PTCHD4: variants seen among roughly 807,000 people sequenced by gnomAD.
The protein encoded by PTCHD4 is patched domain-containing protein 4.
PTCHD4 carries 33 observed loss-of-function variants against 58.1 expected under a neutral mutation model. That is an observed-to-expected ratio of 0.57 (90% confidence interval 0.43 to 0.76). The LOEUF (loss-of-function observed/expected upper bound fraction) is 0.76. PTCHD4 is among the 30% of genes least tolerant of loss of function. PTCHD4 has a pLI of 0.00. For synonymous variants in PTCHD4, 478 were observed against 409.6 expected, an observed-to-expected ratio of 1.17 and a Z score of -2.02; for missense variants, 1,058 against 1,027.1, an observed-to-expected ratio of 1.03 and a Z score of -0.41.
chr6:48,076,019 A>C (rs910201909), intron 1 of PTCHD4, among the ~76,000 whole-genome samples: 5 of 152,248 alleles, frequency 3.3e-5, no homozygotes, highest in Admixed American at 6.5e-5. Context: ...AACTTCTTTC[A>C]AGATTGGAGT....
At chr6:48,097,326 C>G (rs750368723) in intron 1 of PTCHD4, among the ~76,000 whole-genome samples, 1 of 152,052 alleles carries the variant, frequency 6.6e-6, no homozygotes, top group Non-Finnish European at 1.5e-5. Context: ...TAATGCTTAA[C>G]AGTTTTATGT....
chr6:48,000,586 C>T (rs1461813215), intron 4 of PTCHD4, among the ~76,000 whole-genome samples: 2 of 152,142 alleles, frequency 1.3e-5, no homozygotes, highest in East Asian at 1.9e-4. Context: ...CACAAACCAA[C>T]ACCTCCTTCC....
chr6:47,930,527 C>A (rs146931733), intron 4 of PTCHD4, among the ~76,000 whole-genome samples: 3 of 152,170 alleles, frequency 2.0e-5, no homozygotes, highest in Non-Finnish European at 4.4e-5. Flanking sequence ...GGATCCAAGA[C>A]ACACATTAAA....
At chr6:47,898,509 G>A (rs1253121731) in intron 4 of PTCHD4, among the ~76,000 whole-genome samples, 1 of 152,090 alleles carries the variant, frequency 6.6e-6, no homozygotes, top group Non-Finnish European at 1.5e-5. Flanking sequence ...AAAGCATGGG[G>A]CCAGCAAAAG....
chr6:48,017,504 A>C (rs16876926), intron 3 of PTCHD4, among the ~76,000 whole-genome samples: 3,267 of 152,356 alleles, frequency 0.021, 46 homozygotes, highest in South Asian at 0.046. Flanking sequence ...CTAGCCATCC[A>C]GAATATAAAA....
At chr6:48,054,965 A>AT (rs1408220159) in intron 3 of PTCHD4, among the ~76,000 whole-genome samples, 1 of 152,180 alleles carries the variant, frequency 6.6e-6, no homozygotes, top group African/African-American at 2.4e-5. Context: ...TAACAATACC[A>AT]TTTTTTGATC....
At chr6:47,910,602 G>A (rs1053874209) in intron 4 of PTCHD4, among the ~76,000 whole-genome samples, 1 of 152,026 alleles carries the variant, frequency 6.6e-6, no homozygotes, top group South Asian at 2.1e-4. Flanking sequence ...AATCAAGATA[G>A]CCCTTGTAAG....
chr6:48,096,140 T>G (rs1037494265), intron 1 of PTCHD4, among the ~76,000 whole-genome samples: 1 of 152,026 alleles, frequency 6.6e-6, no homozygotes, highest in Admixed American at 6.6e-5. Flanking sequence ...AAGAATACAG[T>G]AGAAGTGCAG....
At chr6:48,089,970 GATTTT>G (rs1018660131) in intron 1 of PTCHD4, among the ~76,000 whole-genome samples, 2 of 151,988 alleles carry the variant, frequency 1.3e-5, no homozygotes, top group Non-Finnish European at 2.9e-5. Context: ...GACTCAATTT[GATTTT>G]ATTTTTAAAT....
At chr6:48,100,725 C>T (rs9473241) in intron 1 of PTCHD4, among the ~76,000 whole-genome samples, 27,579 of 152,060 alleles carry the variant, frequency 0.18, 2,743 homozygotes, top group African/African-American at 0.25. Context: ...TCTGTCGACA[C>T]GGAGGGTCAC....
At chr6:48,037,218 C>T (rs1290625763) in intron 3 of PTCHD4, among the ~76,000 whole-genome samples, 1 of 152,096 alleles carries the variant, frequency 6.6e-6, no homozygotes, top group African/African-American at 2.4e-5. Flanking sequence ...GCTTTTACTA[C>T]AGTATATTGT....
chr6:47,922,730 A>G (rs999446280), intron 4 of PTCHD4, among the ~76,000 whole-genome samples: 1 of 152,208 alleles, frequency 6.6e-6, no homozygotes, highest in South Asian at 2.1e-4. Flanking sequence ...CTCATCTGCA[A>G]CAGGACTCTG....
At chr6:48,066,327 C>T (rs1043805631) in intron 3 of PTCHD4, among the ~76,000 whole-genome samples, 2 of 152,078 alleles carry the variant, frequency 1.3e-5, no homozygotes, top group Non-Finnish European at 2.9e-5. Context: ...TAAACAAAAT[C>T]TCCTCAGTGG....
In PTCHD4 at chr6:47,924,261, A is replaced by G. The variant is rs905782230; in HGVS notation, c.899-44325T>C. ...TGCTGCTGCCCAGTGTAACTGAGTC[A>G]TGACTACATGGAAAAGCCCAGAGTC... On this transcript the variant is annotated intron_variant, in intron 4 of 4. Transcript: ENST00000339488. Among the ~76,000 whole-genome samples, 8 of 152,066 alleles carry G rather than the reference A, an allele frequency of 5.3e-5. No individual in the cohort carries two copies. In the South Asian group the frequency reaches 1.7e-3, roughly 32 times the overall value.
chr6:47,914,053 T>C (rs1765153195), intron 4 of PTCHD4, among the ~76,000 whole-genome samples: 1 of 152,170 alleles, frequency 6.6e-6, no homozygotes, highest in Non-Finnish European at 1.5e-5. Context: ...GGCTATGCCA[T>C]ACCACAAATA....
At chr6:48,088,351 T>TAATGAAAATCTAATGA (rs1395966000) in intron 1 of PTCHD4, among the ~76,000 whole-genome samples, 2 of 152,240 alleles carry the variant, frequency 1.3e-5, no homozygotes, top group Admixed American at 6.5e-5. Context: ...ATGAAAATCC[T>TAATGAAAATCTAATGA]AAGTTCTTAA....
chr6:47,922,035 G>A (rs1765449127), intron 4 of PTCHD4, among the ~76,000 whole-genome samples: 1 of 151,858 alleles, frequency 6.6e-6, no homozygotes, highest in Non-Finnish European at 1.5e-5. Context: ...TTACTTGGGA[G>A]GCTGAGGTGG....
At position 47,869,824 on chromosome 6, in the gene PTCHD4, G is replaced by T. The variant is rs759674496; in HGVS notation, c.*8479C>A. ...ACATTGTGATGTTATAAGATGTTTT[G>T]TTTAGGAAGTTTAATTCTTAGCCTA... On this transcript the variant is annotated 3_prime_UTR_variant, in exon 5 of 5. Transcript: ENST00000339488. Among the ~76,000 whole-genome samples, 38 of 151,616 alleles carry T rather than the reference G, an allele frequency of 2.5e-4. No individual in the cohort carries two copies. Among genetic ancestry groups the T allele is most frequent in the Non-Finnish European group, 4.4e-4 (30 of 67,728 alleles).
At chr6:48,043,096 G>A (rs1442508461) in intron 3 of PTCHD4, among the ~76,000 whole-genome samples, 1 of 151,876 alleles carries the variant, frequency 6.6e-6, no homozygotes, top group African/African-American at 2.4e-5. Flanking sequence ...TTAGAGCTGG[G>A]AGAAATGAGA....
Sources: allele counts gnomAD v4.1 joint callset (sites outside exome capture counted in the v4.1 genomes callset), GRCh38; gene constraint gnomAD v4.1.1; transcripts MANE v1.5; gene names NCBI Gene and HGNC (gene_info 2026-07-23, HGNC 2026-07-21).